The following ST8SIA4 variants were observed in gnomAD, a reference collection of about 807,000 sequenced individuals.
ST8SIA4 encodes CMP-N-acetylneuraminate-poly-alpha-2,8-sialyltransferase.
ST8SIA4 carries 15 observed loss-of-function variants against 33.9 expected under a neutral mutation model. The observed-to-expected ratio is 0.44, with a 90% CI of 0.30 to 0.68. The LOEUF (loss-of-function observed/expected upper bound fraction) is 0.68, where lower values mean the gene tolerates loss of function less well. Ranked by LOEUF, ST8SIA4 falls within the 30% of genes least tolerant of loss-of-function variation. The pLI is 0.10. For missense variants in ST8SIA4, 321 were observed against 428.0 expected (o/e 0.75, Z 2.21); for synonymous variants, 171 against 151.2 (o/e 1.13, Z -0.96).
At chr5:100,885,478 A>G in intron 3 of ST8SIA4, 4 of 937,328 alleles carry the variant, frequency 4.3e-6, no homozygotes, top group Non-Finnish European at 5.1e-6. Flanking sequence ...AAAATAATGT[A>G]TTCCAGTATA....
At chr5:100,816,182 C>T (rs543557400) in intron 4 of ST8SIA4, among the ~76,000 whole-genome samples, 5 of 152,328 alleles carry the variant, frequency 3.3e-5, no homozygotes, top group Non-Finnish European at 5.9e-5. Flanking sequence ...CCTTCCTCCT[C>T]ACCATTTTGT....
chr5:100,836,995 A>AACACACACACACACACAC (rs143119843), intron 4 of ST8SIA4, among the ~76,000 whole-genome samples: 24 of 146,298 alleles, frequency 1.6e-4, no homozygotes, highest in African/African-American at 5.3e-4. Context: ...TTAGTGCTAA[A>AACACACACACACACACAC]ACACACACAC....
chr5:100,817,653 T>G (rs1015322124), intron 4 of ST8SIA4, among the ~76,000 whole-genome samples: 2 of 152,208 alleles, frequency 1.3e-5, no homozygotes, highest in Non-Finnish European at 2.9e-5. Flanking sequence ...TTGGTACAGT[T>G]CATGATACCT....
Position 100,809,644 on chromosome 5 carries a change from T to C in ST8SIA4, c.*2203A>G, listed in dbSNP as rs1272474045. 1.3e-5 allele frequency: 2 copies of C among 152,144 alleles called. No homozygotes were observed. The highest frequency in any genetic ancestry group is 2.9e-5 in the Non-Finnish European group (2 of 68,002). The allele number at this position is 152,144 out of a possible 1,614,324, so 9.4% of individuals were successfully genotyped here. A position where few individuals can be genotyped will look rare whatever the true frequency, so the allele number is the denominator to read the frequency against. On this transcript the variant is annotated 3_prime_UTR_variant, in exon 5 of 5. Transcript: ENST00000231461. ...ACTAGAATAGCTTATCATTTGCAAGTAGTCCAAATTTAGATTTTATAAATC... is the reference window on the plus strand; with the variant it reads ...ACTAGAATAGCTTATCATTTGCAAGCAGTCCAAATTTAGATTTTATAAATC...
At chr5:100,820,822 AT>A (rs1751017905) in intron 4 of ST8SIA4, among the ~76,000 whole-genome samples, 1 of 152,182 alleles carries the variant, frequency 6.6e-6, no homozygotes, top group Non-Finnish European at 1.5e-5. Context: ...TTATAACTGC[AT>A]TTAGTAAAAT....
intron 3 of ST8SIA4, among the ~76,000 whole-genome samples, chr5:100,868,008 C>T (rs546098299): frequency 1.3e-5 from 2 of 152,050 alleles, no homozygotes; most frequent in South Asian, 2.1e-4. Context: ...AGCTGTAATG[C>T]CTGATCCCCA....
At chr5:100,902,236 C>G (rs1272101436) in intron 1 of ST8SIA4, among the ~76,000 whole-genome samples, 1 of 152,086 alleles carries the variant, frequency 6.6e-6, no homozygotes. Context: ...GCTACAGTAC[C>G]CAGTTTCTTT....
chr5:100,879,813 T>C (rs1043999164), intron 3 of ST8SIA4, among the ~76,000 whole-genome samples: 6 of 152,156 alleles, frequency 3.9e-5, no homozygotes, highest in African/African-American at 1.4e-4. Context: ...CAAATATATG[T>C]TTCTCCATGA....
chr5:100,833,144 T>A (rs949669078), intron 4 of ST8SIA4, among the ~76,000 whole-genome samples: 1 of 152,096 alleles, frequency 6.6e-6, no homozygotes, highest in African/African-American at 2.4e-5. Context: ...GTTAACATAT[T>A]ATTTTGCAGG....
At chr5:100,848,347 G>C (rs1474711233) in intron 4 of ST8SIA4, among the ~76,000 whole-genome samples, 1 of 150,384 alleles carries the variant, frequency 6.6e-6, no homozygotes, top group Admixed American at 6.6e-5. Flanking sequence ...TATACTATGA[G>C]TATACTATTA....
At chr5:100,882,649 A>G (rs1296551373) in intron 3 of ST8SIA4, among the ~76,000 whole-genome samples, 1 of 152,178 alleles carries the variant, frequency 6.6e-6, no homozygotes, top group African/African-American at 2.4e-5. Context: ...GAGACCTAGG[A>G]GAAAATGGTT....
At position 100,902,925 on chromosome 5, in the gene ST8SIA4, A is replaced by C. The variant is rs755121544; in HGVS notation, c.31T>G (p.Cys11Gly). ...AAGATCAGGAGCAGACTTATTGTGC[A>C]GATCGTCCACCTCTTCCTAATGGAG... MRSIRKRWTI[C>G]TISLLLIFYK... The change falls in exon 1 of 5, where the codon TGC (cysteine) becomes GGC (glycine). Residue 11 changes from cysteine (C) to glycine (G), a missense_variant. Physicochemically the swap from Cys to Gly is radical, Grantham distance 159 (BLOSUM62 -3). Transcript: ENST00000231461. 6.1e-5 allele frequency: 99 copies of C among 1,614,102 alleles called. No homozygotes were observed. The highest frequency in any genetic ancestry group is 8.0e-5 in the Non-Finnish European group (94 of 1,180,044).
chr5:100,868,378 G>C (rs1752123156), intron 3 of ST8SIA4, among the ~76,000 whole-genome samples: 1 of 151,976 alleles, frequency 6.6e-6, no homozygotes, highest in South Asian at 2.1e-4. Flanking sequence ...ATAATACAAG[G>C]AGTAAACCAT....
chr5:100,896,273 A>G (rs1752778057), intron 1 of ST8SIA4, among the ~76,000 whole-genome samples: 1 of 152,102 alleles, frequency 6.6e-6, no homozygotes, highest in African/African-American at 2.4e-5. Flanking sequence ...AGCCCTTAAA[A>G]AGAGCAAAAT....
At chr5:100,855,934 T>C (rs1751805036) in intron 4 of ST8SIA4, among the ~76,000 whole-genome samples, 169 bp downstream of exon 4, 1 of 152,194 alleles carries the variant, frequency 6.6e-6, no homozygotes, top group Admixed American at 6.5e-5. Flanking sequence ...GTTAAAATCA[T>C]ATCGTACATA....
At position 100,831,417 on chromosome 5, in the gene ST8SIA4, C is replaced by T. The variant is rs570873816; in HGVS notation, c.798-19288G>A. Among the ~76,000 whole-genome samples the T allele has an allele frequency of 1.1e-3, 164 of 152,250 alleles. 2 individuals carry two copies. The South Asian group carries it at 0.019, about 18-fold the overall frequency. On this transcript the variant is annotated intron_variant, in intron 4 of 4. Coordinates refer to ENST00000231461, the MANE Select transcript of ST8SIA4 (RefSeq NM_005668.6). ...AACTATAAAAAATACTAAAATTATA[C>T]CTTGAGACATAAAACATTTATCAAT...
rs1561406392 is a variant in ST8SIA4, at chr5:100,886,527, C to T, written c.319G>A (p.Val107Ile). ...CGCCTGTCAAGCACATAGTGTATGA[C>T]ATCACCAGGCTTAAAACTGCTCTTG... ...VVKSSFKPGD[V>I]IHYVLDRRRT... The change falls in exon 3 of 5, where the codon GTC (valine) becomes ATC (isoleucine). Residue 107 changes from valine to isoleucine, a missense_variant. Physicochemically the swap from Val to Ile is conservative, Grantham distance 29 (BLOSUM62 3). Transcript: ENST00000231461. 6.2e-7 allele frequency: 1 copy of T among 1,613,880 alleles called. No homozygotes were observed. Among genetic ancestry groups the T allele is most frequent in the South Asian group, 1.1e-5 (1 of 91,074 alleles).
In ST8SIA4 at chr5:100,811,947, T is replaced by C. The variant is rs1414877967; in HGVS notation, c.980A>G (p.Asn327Ser). 3.1e-6 allele frequency: 5 copies of C among 1,614,026 alleles called. No individual in the cohort carries two copies. The highest frequency in any genetic ancestry group is 3.3e-5 in the Admixed American group (2 of 60,006). Residue 327 changes from asparagine (N) to serine (S), a missense_variant, in exon 5 of 5, where the codon AAT (asparagine) becomes AGT (serine). Physicochemically the swap from Asn to Ser is conservative, Grantham distance 46. Coordinates refer to ENST00000231461, the MANE Select transcript of ST8SIA4 (RefSeq NM_005668.6). ...TAATGGCATTCTGTGAGGGCTTGCA[T>C]TGGAAAAGTACCTATATTTTAAGTC... is the stretch of plus-strand genomic sequence containing the variant. ...YDDLKYRYFS[N>S]ASPHRMPLEF... is the part of the protein sequence containing the mutation.
intron 3 of ST8SIA4, among the ~76,000 whole-genome samples, chr5:100,874,355 G>T (rs1295448582): frequency 6.6e-6 from 1 of 152,042 alleles, no homozygotes; most frequent in Non-Finnish European, 1.5e-5. Flanking sequence ...ATCTCAGTTT[G>T]TAAATTAGAA....
Sources: gnomAD v4.1 joint callset for allele counts (sites outside exome capture counted in the v4.1 genomes callset) on GRCh38, gnomAD v4.1.1 for gene constraint, MANE v1.5 for transcripts, NCBI Gene and HGNC (gene_info 2026-07-23, HGNC 2026-07-21) for gene names.